The following COBL variants were observed in gnomAD, a reference collection of about 807,000 sequenced individuals.
COBL encodes the protein cordon-bleu WH2 repeat protein, also known as protein cordon-bleu.
Under a neutral mutation model 98.8 loss-of-function variants are expected in COBL, and 51 were observed. The ratio of observed to expected loss-of-function variants is 0.52; its 90% CI spans 0.41 to 0.65. The LOEUF is 0.65. Ranked by LOEUF, COBL falls within the 30% of genes least tolerant of loss-of-function variation. The pLI is 0.00. For missense variants in COBL, 1,617 were observed against 1,617.5 expected, an observed-to-expected ratio of 1.00 and a Z score of 0.01; for synonymous variants, 634 against 651.7, an observed-to-expected ratio of 0.97 and a Z score of 0.41.
At chr7:51,107,772 C>T (rs1313464887) in intron 6 of COBL, among the ~76,000 whole-genome samples, 1 of 152,166 alleles carries the variant, frequency 6.6e-6, no homozygotes, top group African/African-American at 2.4e-5. Context: ...CAGGATCCAC[C>T]TCACAGTCCC....
At chr7:51,280,897 C>T (rs536358740) in intron 1 of COBL, among the ~76,000 whole-genome samples, 1 of 152,308 alleles carries the variant, frequency 6.6e-6, no homozygotes, top group South Asian at 2.1e-4. Context: ...AACACGAACC[C>T]AACTAGGTCA....
chr7:51,201,561 TAGAA>T (rs1384387585), intron 2 of COBL, among the ~76,000 whole-genome samples: 2 of 152,150 alleles, frequency 1.3e-5, no homozygotes, highest in African/African-American at 2.4e-5. Flanking sequence ...ACCATTCTGG[TAGAA>T]AGATCAATCA....
chr7:51,207,579 G>A (rs956628631), intron 2 of COBL, among the ~76,000 whole-genome samples: 9 of 152,160 alleles, frequency 5.9e-5, no homozygotes, highest in Admixed American at 1.3e-4. Context: ...GCAGGCAAGC[G>A]CCACCACACC....
intron 5 of COBL, among the ~76,000 whole-genome samples, chr7:51,137,065 G>A (rs1368452284): frequency 2.0e-5 from 3 of 150,952 alleles, no homozygotes; most frequent in Admixed American, 6.7e-5. Flanking sequence ...GAAAGCATTC[G>A]GGGAACCAGC....
At chr7:51,026,709 A>G (rs1470632359) in intron 10 of COBL, 44 bp from the exon 11 acceptor site, 1 of 1,598,122 alleles carries the variant, frequency 6.3e-7, no homozygotes, top group African/African-American at 1.3e-5. Context: ...GAACATGGAG[A>G]AATGTGAACT....
chr7:51,029,300 G>A lies in COBL; in HGVS notation c.1796C>T (p.Ala599Val), dbSNP rs1366532256. ...PHEKAREEVP[A>V]LHPASHDVGK... ...GACGTCATGGGAAGCGGGGTGCAGG[G>A]CAGGTACTTCCTCCCTTGCCTTTTC... The change falls in exon 10 of 13, where the codon GCC becomes GTC. Residue 599 changes from alanine (A) to valine (V), a missense_variant. This residue lies in a region of COBL where 1,304 missense variants were observed against 1,282.0 expected (regional missense o/e 1.02). Coordinates refer to ENST00000265136, the MANE Select transcript of COBL (RefSeq NM_015198.5). 5 of 1,602,956 alleles carry A rather than the reference G, an allele frequency of 3.1e-6. No homozygotes were observed. The African/African-American group carries it at 6.7e-5, about 21-fold the overall frequency.
intron 5 of COBL, among the ~76,000 whole-genome samples, chr7:51,166,203 A>G (rs1485639813): frequency 2.6e-5 from 4 of 151,990 alleles, no homozygotes; most frequent in Non-Finnish European, 5.9e-5. Flanking sequence ...AACAAAATTG[A>G]CAAACCTTCA....
intron 8 of COBL, chr7:51,032,975 A>T (rs1788302564): frequency 6.6e-6 from 1 of 152,206 alleles, no homozygotes; most frequent in African/African-American, 2.4e-5. Context: ...AAAATTACAG[A>T]CATACTTTTA....
At chr7:51,072,415 C>A (rs1792651108) in intron 7 of COBL, 1 of 152,216 alleles carries the variant, frequency 6.6e-6, no homozygotes, top group African/African-American at 2.4e-5. Context: ...CAAAGAGGAG[C>A]CAGCAGCACC....
At chr7:51,053,846 C>T (rs1441339865) in intron 7 of COBL, among the ~76,000 whole-genome samples, 2 of 152,226 alleles carry the variant, frequency 1.3e-5, no homozygotes, top group African/African-American at 4.8e-5. Flanking sequence ...CACTGTTCCT[C>T]TGCAATGCAA....
At chr7:51,248,491 A>T (rs28689833) in intron 1 of COBL, among the ~76,000 whole-genome samples, 7,540 of 152,226 alleles carry the variant, frequency 0.05, 620 homozygotes, top group African/African-American at 0.17. Context: ...TTGTTATTCA[A>T]CCTCACATTC....
chr7:51,045,140 C>A (rs1243034378), intron 7 of COBL, among the ~76,000 whole-genome samples: 3 of 152,232 alleles, frequency 2.0e-5, no homozygotes, highest in Non-Finnish European at 4.4e-5. Flanking sequence ...TTTCCCATCA[C>A]TCCTCTCTTG....
chr7:51,098,080 C>A (rs910492052), intron 6 of COBL, among the ~76,000 whole-genome samples: 1 of 149,638 alleles, frequency 6.7e-6, no homozygotes, highest in Non-Finnish European at 1.5e-5. Context: ...AAGACTTGCA[C>A]ACTGAAAACT....
Position 51,085,200 on chromosome 7 carries a change from A to C in COBL, c.1062T>G (p.Thr354=). 1 of 1,613,210 alleles carries C rather than the reference A, an allele frequency of 6.2e-7. No individual in the cohort carries two copies. ...TCTTCCTGTTCTCCTCCTTATCCTC[A>C]GTGCGGTTGGGGATCAGGGGACTCG... ...PPPSPLIPNR[T]EDKEENRKST... The change falls in exon 7 of 13, where the codon ACT becomes ACG. Residue 354 remains threonine, a synonymous_variant. Transcript: ENST00000265136.
At chr7:51,315,427 G>T (rs943373718) in intron 1 of COBL, among the ~76,000 whole-genome samples, 2 of 152,160 alleles carry the variant, frequency 1.3e-5, no homozygotes, top group Non-Finnish European at 2.9e-5. Context: ...CAACACGCCC[G>T]CCTATGGGCA....
At chr7:51,248,069 G>C (rs1246761058) in intron 1 of COBL, among the ~76,000 whole-genome samples, 6 of 151,976 alleles carry the variant, frequency 3.9e-5, no homozygotes, top group Non-Finnish European at 7.4e-5. Flanking sequence ...AGTCAGGGAG[G>C]GGGAGGCTGC....
chr7:51,022,925 G>A (rs1190758526), intron 12 of COBL: 1 of 152,188 alleles, frequency 6.6e-6, no homozygotes, highest in Non-Finnish European at 1.5e-5. Flanking sequence ...CAGATTCATA[G>A]GCTGAAAAAT....
chr7:51,056,533 G>T (rs1790764296), intron 7 of COBL, among the ~76,000 whole-genome samples: 1 of 152,154 alleles, frequency 6.6e-6, no homozygotes, highest in Non-Finnish European at 1.5e-5. Context: ...GGCCAGCTGG[G>T]TTATTTTTGC....
intron 1 of COBL, among the ~76,000 whole-genome samples, chr7:51,253,860 T>C (rs1324128521): frequency 6.6e-6 from 1 of 152,260 alleles, no homozygotes; most frequent in Non-Finnish European, 1.5e-5. Context: ...AGTTGTGTTA[T>C]CAACTTTAGA....
Sources: gnomAD v4.1 joint callset for allele counts (sites outside exome capture counted in the v4.1 genomes callset) on GRCh38, gnomAD v4.1.1 for gene constraint, gnomAD v4.1.1 regional missense constraint, MANE v1.5 for transcripts, NCBI Gene and HGNC (gene_info 2026-07-23, HGNC 2026-07-21) for gene names.